The following TMEM108 variants were observed in gnomAD, a reference collection of about 807,000 sequenced individuals.
TMEM108 encodes cancer/testis antigen 124.
TMEM108 carries 12 observed loss-of-function variants against 35.1 expected under a neutral mutation model. The ratio of observed to expected loss-of-function variants is 0.34; its 90% CI spans 0.22 to 0.55. The LOEUF (loss-of-function observed/expected upper bound fraction) is 0.55, where lower values mean the gene tolerates loss of function less well. Among genes scored for constraint, TMEM108 ranks in the 20% least tolerant of loss-of-function variants. The pLI is 0.89. For missense variants in TMEM108, 680 were observed against 753.3 expected, an observed-to-expected ratio of 0.90 and a Z score of 1.14; for synonymous variants, 287 against 308.6, an observed-to-expected ratio of 0.93 and a Z score of 0.73.
intron 2 of TMEM108, chr3:133,192,744 G>C (rs747559338): frequency 2.6e-5 from 4 of 152,362 alleles, no homozygotes; most frequent in Non-Finnish European, 4.4e-5. Flanking sequence ...GCGGCTCCAG[G>C]CTTCTTTGTG....
At chr3:133,101,381 T>G (rs145711205) in intron 2 of TMEM108, among the ~76,000 whole-genome samples, 59 of 152,320 alleles carry the variant, frequency 3.9e-4, no homozygotes, top group African/African-American at 1.3e-3. Flanking sequence ...TAGCCTTGAC[T>G]CTCTCCAAGC....
At chr3:133,100,005 T>G (rs1448491365) in intron 2 of TMEM108, among the ~76,000 whole-genome samples, 1 of 152,240 alleles carries the variant, frequency 6.6e-6, no homozygotes, top group Non-Finnish European at 1.5e-5. Flanking sequence ...TTAGTTCATT[T>G]TAACGCTGCT....
At chr3:133,138,549 AT>A (rs931219683) in intron 2 of TMEM108, among the ~76,000 whole-genome samples, 1 of 151,728 alleles carries the variant, frequency 6.6e-6, no homozygotes, top group Non-Finnish European at 1.5e-5. Context: ...AGTGTATTTT[AT>A]GTGTGGCCCA....
chr3:133,126,961 C>T (rs73007479), intron 2 of TMEM108, among the ~76,000 whole-genome samples: 9,597 of 152,124 alleles, frequency 0.063, 1,020 homozygotes, highest in African/African-American at 0.22. Flanking sequence ...ATATGTAGAA[C>T]CCATGGATAT....
At chr3:133,239,292 T>C (rs1312477395) in intron 3 of TMEM108, among the ~76,000 whole-genome samples, 1 of 152,222 alleles carries the variant, frequency 6.6e-6, no homozygotes, top group Non-Finnish European at 1.5e-5. Context: ...ATGACACTTC[T>C]GGTCATCAGT....
chr3:133,064,577 C>T (rs1576299392), intron 2 of TMEM108, among the ~76,000 whole-genome samples: 1 of 152,232 alleles, frequency 6.6e-6, no homozygotes, highest in African/African-American at 2.4e-5. Flanking sequence ...TTATGAAATA[C>T]TTGAATTGTT....
In TMEM108 at chr3:133,395,894, A is replaced by C. The variant is rs1228869546; in HGVS notation, c.1636A>C (p.Asn546His). The C allele has an allele frequency of 6.3e-7, 1 of 1,593,866 alleles. No homozygotes were observed. Among genetic ancestry groups the C allele is most frequent in the East Asian group, 2.3e-5 (1 of 43,182 alleles). Residue 546 changes from asparagine (N) to histidine (H), a missense_variant, in exon 6 of 6, where the codon AAT becomes CAT. Asn to His is a moderately conservative substitution (Grantham distance 68). Coordinates refer to ENST00000321871, the MANE Select transcript of TMEM108 (RefSeq NM_023943.4). ...GCTCTCAGAGCCCCGCTCCCCAGCC[A>C]ATGGCGACTATAGAGACACTGGGAT... ...DQLSEPRSPA[N>H]GDYRDTGMVL...
intron 3 of TMEM108, among the ~76,000 whole-genome samples, chr3:133,374,070 G>A (rs1225010497): frequency 2.0e-5 from 3 of 152,218 alleles, no homozygotes; most frequent in Non-Finnish European, 4.4e-5. Flanking sequence ...GAGTTCTTAC[G>A]GGGGGCCAAA....
chr3:133,226,821 C>T (rs867793349), intron 2 of TMEM108, among the ~76,000 whole-genome samples: 15 of 152,044 alleles, frequency 9.9e-5, no homozygotes, highest in East Asian at 5.8e-4. Context: ...GACATACCCG[C>T]GACTGGGAAA....
intron 3 of TMEM108, among the ~76,000 whole-genome samples, chr3:133,240,380 A>C (rs770891926): frequency 3.3e-5 from 5 of 152,226 alleles, no homozygotes; most frequent in Admixed American, 3.3e-4. Flanking sequence ...TAAGTCAACA[A>C]TTCTCTTCTG....
intron 2 of TMEM108, among the ~76,000 whole-genome samples, chr3:133,052,558 G>C (rs1350297325): frequency 7.2e-6 from 1 of 138,178 alleles, no homozygotes; most frequent in Non-Finnish European, 1.6e-5. Context: ...AAAAAAAAAA[G>C]TAGTGACAGT....
intron 3 of TMEM108, among the ~76,000 whole-genome samples, chr3:133,254,667 GAA>G (rs1317747115): frequency 6.6e-6 from 1 of 152,132 alleles, no homozygotes. Context: ...CAAAAACTTA[GAA>G]TTATCAGATA....
chr3:133,078,618 T>G (rs945224033), intron 2 of TMEM108, among the ~76,000 whole-genome samples: 1 of 152,206 alleles, frequency 6.6e-6, no homozygotes, highest in Non-Finnish European at 1.5e-5. Flanking sequence ...ATTTAAGTAG[T>G]TAATCAACTC....
chr3:133,367,688 A>G (rs1293075796), intron 3 of TMEM108, among the ~76,000 whole-genome samples: 1 of 152,236 alleles, frequency 6.6e-6, no homozygotes, highest in Non-Finnish European at 1.5e-5. Flanking sequence ...AGGAGAAGCC[A>G]CAGGGTCTCA....
At chr3:133,257,573 T>A (rs1946565669) in intron 3 of TMEM108, among the ~76,000 whole-genome samples, 1 of 152,216 alleles carries the variant, frequency 6.6e-6, no homozygotes. Context: ...CTAAATTCAG[T>A]GAATCTACTT....
intron 3 of TMEM108, among the ~76,000 whole-genome samples, chr3:133,340,928 C>T (rs1246962029): frequency 2.0e-5 from 3 of 151,714 alleles, no homozygotes; most frequent in African/African-American, 7.2e-5. Flanking sequence ...TAATAAAAGC[C>T]ATATACTACA....
intron 2 of TMEM108, among the ~76,000 whole-genome samples, chr3:133,146,277 T>A (rs1944718620): frequency 6.6e-6 from 1 of 152,212 alleles, no homozygotes; most frequent in Non-Finnish European, 1.5e-5. Context: ...GATTGATTTA[T>A]GTATGTTGAA....
intron 2 of TMEM108, among the ~76,000 whole-genome samples, chr3:133,180,407 C>G (rs1431209186): frequency 2.0e-5 from 3 of 152,068 alleles, no homozygotes; most frequent in Non-Finnish European, 4.4e-5. Context: ...AAGTCCCAAT[C>G]AATTTCCAGT....
chr3:133,189,261 T>C (rs779872422), intron 2 of TMEM108, among the ~76,000 whole-genome samples: 13 of 152,228 alleles, frequency 8.5e-5, no homozygotes, highest in Admixed American at 3.3e-4. Context: ...TTCTGTATTA[T>C]TCTATTTGCT....
Sources: gnomAD v4.1 joint callset for allele counts (sites outside exome capture counted in the v4.1 genomes callset) on GRCh38, gnomAD v4.1.1 for gene constraint, MANE v1.5 for transcripts, NCBI Gene and HGNC (gene_info 2026-07-23, HGNC 2026-07-21) for gene names.